The following SPHKAP variants were observed in gnomAD, a reference collection of about 807,000 sequenced individuals.
SPHKAP encodes SPHK1 interactor, AKAP domain containing, also known as A-kinase anchor protein SPHKAP.
In SPHKAP, 67 loss-of-function variants were observed where a neutral mutation model predicts 137.5. That is an observed-to-expected ratio of 0.49 (90% CI 0.40 to 0.60). The LOEUF is 0.60. Ranked by LOEUF, SPHKAP falls within the 20% of genes least tolerant of loss-of-function variation. The probability of loss-of-function intolerance (pLI) is 0.00; values close to 1 mark genes in which losing one functional copy is unlikely to be tolerated. For synonymous variants in SPHKAP, 813 were observed against 785.3 expected (o/e 1.04, Z -0.59); for missense variants, 2,097 against 2,069.3 (o/e 1.01, Z -0.26).
chr2:228,099,002 GTC>G (rs1698098493), intron 3 of SPHKAP, among the ~76,000 whole-genome samples: 1 of 152,022 alleles, frequency 6.6e-6, no homozygotes, highest in African/African-American at 2.4e-5. Context: ...TTTGTTTATA[GTC>G]TCTTTTTCTG....
Position 228,108,909 on chromosome 2 carries a change from T to C in SPHKAP, c.169A>G (p.Thr57Ala). 1 of 1,608,816 alleles carries C rather than the reference T, an allele frequency of 6.2e-7. No homozygotes were observed. Among genetic ancestry groups the C allele is most frequent in the Non-Finnish European group, 8.5e-7 (1 of 1,178,786 alleles). The change falls in exon 3 of 12, where the codon ACA becomes GCA. Residue 57 changes from threonine to alanine, a missense_variant. Physicochemically the swap from Thr to Ala is moderately conservative, Grantham distance 58. Transcript: ENST00000392056. ...VLRSNSLLES[T>A]DYWLQNQRMP... ...CTCTGATTCTGCAACCAGTAGTCTG[T>C]TGACTCCAGCAGGCTATTGCTGCGA...
intron 2 of SPHKAP, among the ~76,000 whole-genome samples, chr2:228,122,653 C>G (rs949362583): frequency 2.0e-5 from 3 of 152,150 alleles, no homozygotes; most frequent in African/African-American, 7.2e-5. Flanking sequence ...CTGCGTGGAC[C>G]TGGTTGCCTT....
In SPHKAP at chr2:228,021,901, G is replaced by T; in HGVS notation, c.507C>A (p.Asn169Lys). Residue 169 changes from asparagine to lysine, a missense_variant, in exon 6 of 12, where the codon AAC (asparagine) becomes AAA (lysine). Coordinates refer to ENST00000392056, the MANE Select transcript of SPHKAP (RefSeq NM_001142644.2). The part of the protein sequence containing the change: ...CARGNRPNST[N>K]CIIFEINKFL... ...ATTTGTTGATTTCAAAGATGATGCA[G>T]TTGGTACTGTTTGGTCTGTTCCCTC... is the stretch of plus-strand genomic sequence containing the variant. 1.2e-6 allele frequency: 2 copies of T among 1,614,126 alleles called. No homozygotes were observed. Among genetic ancestry groups the T allele is most frequent in the Non-Finnish European group, 1.7e-6 (2 of 1,179,974 alleles).
At chr2:228,157,310 C>G (rs555464983) in intron 1 of SPHKAP, among the ~76,000 whole-genome samples, 2 of 152,162 alleles carry the variant, frequency 1.3e-5, no homozygotes, top group East Asian at 3.9e-4. Flanking sequence ...ATCTTAAAAC[C>G]CAGGTCTTTC....
At chr2:228,085,238 C>G (rs553824570) in intron 3 of SPHKAP, among the ~76,000 whole-genome samples, 1 of 152,324 alleles carries the variant, frequency 6.6e-6, no homozygotes, top group African/African-American at 2.4e-5. Flanking sequence ...ATAAATATCA[C>G]TGTTAACTTT....
intron 7 of SPHKAP, among the ~76,000 whole-genome samples, chr2:228,005,533 C>A (rs1233669790): frequency 6.6e-6 from 1 of 152,134 alleles, no homozygotes; most frequent in East Asian, 1.9e-4. Context: ...TTAATTGGAG[C>A]ATTTAGCCCA....
At chr2:228,111,026 T>G (rs1418021575) in intron 2 of SPHKAP, among the ~76,000 whole-genome samples, 1 of 152,318 alleles carries the variant, frequency 6.6e-6, no homozygotes, top group Admixed American at 6.5e-5. Context: ...AAACGAGAGT[T>G]TCTTGAGGTC....
At chr2:228,010,930 C>T (rs1048280064) in intron 7 of SPHKAP, among the ~76,000 whole-genome samples, 2 of 152,108 alleles carry the variant, frequency 1.3e-5, no homozygotes, top group East Asian at 1.9e-4. Flanking sequence ...CTTACAGTGC[C>T]TTGATTCCTT....
intron 1 of SPHKAP, among the ~76,000 whole-genome samples, chr2:228,171,603 C>T (rs144042091): frequency 5.7e-4 from 87 of 152,226 alleles, no homozygotes; most frequent in African/African-American, 2.0e-3. Flanking sequence ...CGAGAGATCA[C>T]AAGAAATGAA....
At chr2:228,026,706 TATG>T (rs1256492534) in intron 4 of SPHKAP, among the ~76,000 whole-genome samples, 2 of 152,316 alleles carry the variant, frequency 1.3e-5, no homozygotes, top group East Asian at 1.9e-4. Flanking sequence ...GTACTACACA[TATG>T]ATGATATTTG....
At chr2:228,000,846 C>T (rs1693827992) in intron 7 of SPHKAP, among the ~76,000 whole-genome samples, 1 of 152,062 alleles carries the variant, frequency 6.6e-6, no homozygotes, top group African/African-American at 2.4e-5. Context: ...CTAGTATAAA[C>T]ATCTGTGTGC....
chr2:227,987,335 C>T (rs999387360), intron 11 of SPHKAP, among the ~76,000 whole-genome samples: 6 of 152,160 alleles, frequency 3.9e-5, no homozygotes, highest in African/African-American at 9.7e-5. Context: ...AAGTCCCCAT[C>T]GTATCTCAAG....
intron 7 of SPHKAP, among the ~76,000 whole-genome samples, chr2:228,014,026 T>C (rs1004941088): frequency 1.4e-4 from 22 of 152,198 alleles, no homozygotes; most frequent in Non-Finnish European, 7.4e-5. Flanking sequence ...TATTCATACA[T>C]ATTTCCAGTA....
intron 7 of SPHKAP, among the ~76,000 whole-genome samples, chr2:228,005,688 C>G (rs2106188587): frequency 6.6e-6 from 1 of 152,208 alleles, no homozygotes; most frequent in East Asian, 1.9e-4. Context: ...TGGCTGGTAC[C>G]AGTTGTTCCT....
At chr2:228,079,222 T>C (rs77305661) in intron 3 of SPHKAP, among the ~76,000 whole-genome samples, 1,540 of 152,280 alleles carry the variant, frequency 0.01, 41 homozygotes, top group African/African-American at 0.035. Flanking sequence ...ATGCAGTTCA[T>C]GATAGGGTTT....
chr2:228,092,264 T>TGTATGTGCGTGTATACGTGC (rs1697787360), intron 3 of SPHKAP, among the ~76,000 whole-genome samples: 2 of 144,174 alleles, frequency 1.4e-5, no homozygotes, highest in African/African-American at 5.2e-5. Context: ...TGTGTATACG[T>TGTATGTGCGTGTATACGTGC]ACACACACAC....
chr2:228,073,746 T>C (rs1223608313), intron 3 of SPHKAP, among the ~76,000 whole-genome samples: 1 of 152,234 alleles, frequency 6.6e-6, no homozygotes, highest in East Asian at 1.9e-4. Flanking sequence ...CTCCACTTTA[T>C]CTGCTAACGA....
At chr2:228,047,422 C>T (rs756027238) in intron 3 of SPHKAP, among the ~76,000 whole-genome samples, 2 of 150,318 alleles carry the variant, frequency 1.3e-5, no homozygotes, top group Non-Finnish European at 2.9e-5. Flanking sequence ...GCCGAGATTG[C>T]ACCATTGCAC....
At chr2:228,155,659 G>T (rs1700087547) in intron 1 of SPHKAP, among the ~76,000 whole-genome samples, 1 of 152,140 alleles carries the variant, frequency 6.6e-6, no homozygotes, top group South Asian at 2.1e-4. Context: ...TGCCTCATTA[G>T]ATGCCACTGA....
Sources: allele counts gnomAD v4.1 joint callset (sites outside exome capture counted in the v4.1 genomes callset), GRCh38; gene constraint gnomAD v4.1.1; transcripts MANE v1.5; gene names NCBI Gene and HGNC (gene_info 2026-07-23, HGNC 2026-07-21).